Variants in KBTBD12 observed in about 807,000 individuals in gnomAD.
KBTBD12 encodes the protein kelch repeat and BTB domain containing 12.
Under a neutral mutation model 58.7 loss-of-function variants are expected in KBTBD12, and 53 were observed. The ratio of observed to expected loss-of-function variants is 0.90; its 90% CI spans 0.72 to 1.14. The LOEUF is 1.14. KBTBD12 is among the 50% of genes most tolerant of loss of function. The pLI is 0.00. For missense variants in KBTBD12, 704 were observed against 751.3 expected, an observed-to-expected ratio of 0.94 and a Z score of 0.74; for synonymous variants, 236 against 259.8, an observed-to-expected ratio of 0.91 and a Z score of 0.88.
intron 4 of KBTBD12, among the ~76,000 whole-genome samples, chr3:127,946,943 T>C (rs1019494285): frequency 3.9e-5 from 6 of 152,234 alleles, no homozygotes; most frequent in African/African-American, 1.4e-4. Flanking sequence ...TCAGATACTA[T>C]ATTTTTCATT....
At chr3:127,918,605 A>G (rs998996723) in intron 1 of KBTBD12, among the ~76,000 whole-genome samples, 1 of 151,844 alleles carries the variant, frequency 6.6e-6, no homozygotes, top group Non-Finnish European at 1.5e-5. Flanking sequence ...CCAGCTACTC[A>G]GGAGGCTGAG....
At chr3:127,973,585 T>C (rs1287140035) in intron 5 of KBTBD12, among the ~76,000 whole-genome samples, 2 of 152,174 alleles carry the variant, frequency 1.3e-5, no homozygotes, top group Admixed American at 6.5e-5. Context: ...AGAAGTATGC[T>C]GAGTATTTAG....
intron 5 of KBTBD12, among the ~76,000 whole-genome samples, chr3:127,971,817 T>TA (rs993486016): frequency 6.6e-6 from 1 of 152,210 alleles, no homozygotes; most frequent in African/African-American, 2.4e-5. Context: ...GGCTAACTTC[T>TA]AGGGGACCCA....
intron 5 of KBTBD12, among the ~76,000 whole-genome samples, chr3:127,976,792 C>T (rs937923738): frequency 1.3e-5 from 2 of 152,142 alleles, no homozygotes; most frequent in African/African-American, 4.8e-5. Flanking sequence ...TATGCTGTTT[C>T]ATTGTGTGTA....
In KBTBD12 at chr3:127,984,194, T is replaced by G. The variant is rs905018104; in HGVS notation, c.1788T>G (p.Tyr596Ter). 1 of 1,613,954 alleles carries G rather than the reference T, an allele frequency of 6.2e-7. No individual in the cohort carries two copies. The highest frequency in any genetic ancestry group is 8.5e-7 in the Non-Finnish European group (1 of 1,179,834). Reference protein sequence around the residue: ...VAINVLMHDSYDVCLVARMNP... With the variant: ...VAINVLMHDS ...TCAACGTCCTCATGCATGACAGCTA[T>G]GATGTCTGCCTAGTAGCCAGGATGA... The change falls in exon 6 of 6, where the codon TAT becomes TAG. Residue 596 changes from tyrosine (Y) to a stop codon, truncating the protein, a stop_gained. Coordinates refer to ENST00000405109, the MANE Select transcript of KBTBD12 (RefSeq NM_207335.4). LOFTEE classifies it high-confidence loss of function.
rs1191368373 is a variant in KBTBD12 at position 127,916,705 on chromosome 3, C to CAA, written c.-113+1135_-113+1136dup. 6.1e-3 allele frequency among the ~76,000 whole-genome samples: 476 copies of CAA among 78,090 alleles called. 1 individual carries two copies. The highest frequency in any genetic ancestry group is 0.02 in the African/African-American group (438 of 21,518). The allele number at this position is 78,090 out of a possible 152,430, so 51.2% of individuals were successfully genotyped here. Reference sequence around the variant, plus strand: ...AATTTACCAAAAACAAAACAAAAAGCAAAAAAAAAAAAAAAAACTGAGCAG... The same window carrying CAA: ...AATTTACCAAAAACAAAACAAAAAGCAAAAAAAAAAAAAAAAAAACTGAGCAG... On this transcript the variant is annotated intron_variant, in intron 1 of 5. Coordinates refer to ENST00000405109, the MANE Select transcript of KBTBD12 (RefSeq NM_207335.4).
intron 5 of KBTBD12, among the ~76,000 whole-genome samples, chr3:127,977,325 A>G (rs771814037): frequency 2.2e-4 from 33 of 152,320 alleles, no homozygotes; most frequent in Admixed American, 1.0e-3. Flanking sequence ...TGGTAGAACA[A>G]TTTATGTTCC....
At chr3:127,931,898 G>C (rs1178558497) in intron 4 of KBTBD12, among the ~76,000 whole-genome samples, 1 of 152,044 alleles carries the variant, frequency 6.6e-6, no homozygotes, top group Non-Finnish European at 1.5e-5. Context: ...AGGTAAATGA[G>C]TCCACCAGGG....
At chr3:127,951,682 C>G (rs552445123) in intron 4 of KBTBD12, among the ~76,000 whole-genome samples, 92 of 152,228 alleles carry the variant, frequency 6.0e-4, no homozygotes, top group Non-Finnish European at 9.7e-4. Context: ...CTTCAAGCAG[C>G]AAGACAGACC....
intron 1 of KBTBD12, among the ~76,000 whole-genome samples, chr3:127,918,188 G>A (rs977457668): frequency 2.6e-5 from 4 of 152,136 alleles, no homozygotes; most frequent in African/African-American, 4.8e-5. Context: ...CAGAAGTGAC[G>A]AAGACAAGTC....
intron 4 of KBTBD12, among the ~76,000 whole-genome samples, chr3:127,938,691 A>G (rs150860160): frequency 6.6e-5 from 10 of 152,348 alleles, no homozygotes; most frequent in Admixed American, 2.6e-4. Context: ...TGATTGAAAA[A>G]TACATTTTAG....
chr3:127,949,050 A>G (rs537988961), intron 4 of KBTBD12, among the ~76,000 whole-genome samples: 1 of 152,340 alleles, frequency 6.6e-6, no homozygotes, highest in East Asian at 1.9e-4. Context: ...AATATAATGG[A>G]CACAGTTGCT....
At chr3:127,983,187 C>T (rs554583276) in intron 5 of KBTBD12, among the ~76,000 whole-genome samples, 36 of 152,346 alleles carry the variant, frequency 2.4e-4, no homozygotes, top group African/African-American at 7.7e-4. Context: ...CGTGGCCTTT[C>T]TTCGTTTCTT....
chr3:127,926,099 T>TTA (rs2107590472), intron 2 of KBTBD12, among the ~76,000 whole-genome samples: 1 of 152,310 alleles, frequency 6.6e-6, no homozygotes, highest in Non-Finnish European at 1.5e-5. Context: ...CAATCTCTAT[T>TTA]AACAATGAAG....
chr3:127,930,236 A>C lies in KBTBD12; in HGVS notation c.1445A>C (p.Lys482Thr). ...WSVRAPMKYS[K>T]YRFSTAVVNS... ...GTGCGGGCACCCATGAAGTACTCTAAGTACCGATTCAGTACAGCTGTAGTC... is the reference window on the plus strand; with the variant it reads ...GTGCGGGCACCCATGAAGTACTCTACGTACCGATTCAGTACAGCTGTAGTC... The change falls in exon 4 of 6, where the codon AAG (lysine) becomes ACG (threonine). Residue 482 changes from lysine to threonine, a missense_variant. Coordinates refer to ENST00000405109, the MANE Select transcript of KBTBD12 (RefSeq NM_207335.4). The C allele has an allele frequency of 6.2e-7, 1 of 1,611,378 alleles. No individual in the cohort carries two copies.
At chr3:127,962,558 G>A (rs932369546) in intron 4 of KBTBD12, among the ~76,000 whole-genome samples, 2 of 152,134 alleles carry the variant, frequency 1.3e-5, no homozygotes, top group African/African-American at 4.8e-5. Flanking sequence ...GCATCTTTCA[G>A]AACTCCTTAT....
At position 127,929,633 on chromosome 3, in the gene KBTBD12, C is replaced by G. The variant is rs150495656; in HGVS notation, c.1342-500C>G. On this transcript the variant is annotated intron_variant, in intron 3 of 5. Transcript: ENST00000405109. ...GAATTTACACCATTCCTATATAGGC[C>G]ATAATTATGGTGTAAAAATAATTAT... Among the ~76,000 whole-genome samples, 12 of 151,878 alleles carry G rather than the reference C, an allele frequency of 7.9e-5. 1 individual carries two copies. In the East Asian group the frequency reaches 2.3e-3, roughly 29 times the overall value.
At chr3:127,978,494 A>T (rs1399466440) in intron 5 of KBTBD12, among the ~76,000 whole-genome samples, 1 of 152,230 alleles carries the variant, frequency 6.6e-6, no homozygotes, top group East Asian at 1.9e-4. Flanking sequence ...GGACTCAAAG[A>T]TAGCCTGAAG....
chr3:127,954,250 G>A (rs982502015), intron 4 of KBTBD12, among the ~76,000 whole-genome samples: 2 of 152,170 alleles, frequency 1.3e-5, no homozygotes, highest in Non-Finnish European at 2.9e-5. Context: ...TCTTATTGCT[G>A]TAGAAAATAT....
Sources: gnomAD v4.1 joint callset for allele counts (sites outside exome capture counted in the v4.1 genomes callset) on GRCh38, gnomAD v4.1.1 for gene constraint, MANE v1.5 for transcripts, NCBI Gene and HGNC (gene_info 2026-07-23, HGNC 2026-07-21) for gene names.